Variants in CHD3 observed in about 807,000 individuals in gnomAD.
CHD3 encodes the protein ATP-dependent chromatin remodeler CHD3.
CHD3 carries 52 observed loss-of-function variants against 248.9 expected under a neutral mutation model. The observed-to-expected ratio is 0.21, with a 90% CI of 0.17 to 0.26. The LOEUF is 0.26. CHD3 is among the 10% of genes least tolerant of loss of function. The pLI is 1.00. For missense variants in CHD3, 1,482 were observed against 2,605.8 expected (o/e 0.57, Z 9.39); for synonymous variants, 985 against 985.2 (o/e 1.00, Z 0.00).
Position 7,907,258 on chromosome 17 carries a change from C to A in CHD3, c.4788+11C>A, listed in dbSNP as rs1265511879. 1.2e-6 allele frequency: 2 copies of A among 1,614,014 alleles called. No individual in the cohort carries two copies. The highest frequency in any genetic ancestry group is 2.7e-5 in the African/African-American group (2 of 74,924). On this transcript the variant is annotated intron_variant, in intron 31 of 39. Transcript: ENST00000330494. The surrounding 1 kb of genome is among the most constrained non-coding windows in gnomAD (Gnocchi z 4.3). ...AAGATGGAGACAGAGGTGTGTGGCT[C>A]CCTGGATTCCCCTGTGGAGCGGGAG...
Position 7,911,781 on chromosome 17 carries a change from C to T in CHD3, c.*196C>T. On this transcript the variant is annotated 3_prime_UTR_variant, in exon 40 of 40. Coordinates refer to ENST00000330494, the MANE Select transcript of CHD3 (RefSeq NM_001005273.3). This position sits in a 1 kb window ranked among gnomAD's most constrained non-coding sequence, Gnocchi z 5.4. Reference sequence around the variant, plus strand: ...CTTTCTCCACTCCCACACACCTTTCCCACCAAGCCTTGAAGACTGTGCTGG... The same window carrying T: ...CTTTCTCCACTCCCACACACCTTTCTCACCAAGCCTTGAAGACTGTGCTGG... 1 of 1,486,080 alleles carries T rather than the reference C, an allele frequency of 6.7e-7. No homozygotes were observed. The highest frequency in any genetic ancestry group is 9.0e-7 in the Non-Finnish European group (1 of 1,105,862). 92.1% of individuals were successfully genotyped at this position (1,486,080 alleles called of 1,614,324 possible).
At position 7,900,250 on chromosome 17, in the gene CHD3, A is replaced by G. The variant is rs765425012; in HGVS notation, c.2683-40A>G. Reference sequence around the variant, plus strand: ...GCTGTGGGTCGGTCACTTGTCACTAATAAGCCCATTTTCCTGCCTTGCCTT... The same window carrying G: ...GCTGTGGGTCGGTCACTTGTCACTAGTAAGCCCATTTTCCTGCCTTGCCTT... On this transcript the variant is annotated intron_variant, in intron 16 of 39. Coordinates refer to ENST00000330494, the MANE Select transcript of CHD3 (RefSeq NM_001005273.3). This position sits in a 1 kb window ranked among gnomAD's most constrained non-coding sequence, Gnocchi z 6.5. 3.7e-6 allele frequency: 6 copies of G among 1,613,116 alleles called. No individual in the cohort carries two copies. In the African/African-American group the frequency reaches 8.0e-5, roughly 22 times the overall value.
chr17:7,901,359 T>C lies in CHD3; in HGVS notation c.3236T>C (p.Val1079Ala), dbSNP rs1343913646. ...LRKLKEQGHR[V>A]LIFSQMTKML... ...AAGCTGAAGGAGCAAGGACACCGAG[T>C]GCTCATCTTCTCGCAGGTGACCTGT... is the stretch of plus-strand genomic sequence containing the variant. The change falls in exon 20 of 40, where the codon GTG becomes GCG. Residue 1079 changes from valine (V) to alanine (A), a missense_variant. By Grantham distance (64) the Val-to-Ala change is moderately conservative. Around this residue, in one of 20 missense-constraint regions of CHD3, gnomAD observed 31 missense variants for 53.9 expected, o/e 0.58. Transcript: ENST00000330494. 3 of 1,610,208 alleles carry C rather than the reference T, an allele frequency of 1.9e-6. No homozygotes were observed. The highest frequency in any genetic ancestry group is 1.3e-5 in the African/African-American group (1 of 74,796).
rs771073572 is a variant in CHD3, at chr17:7,907,393, T to G, written c.4829T>G (p.Leu1610Arg). The G allele has an allele frequency of 1.1e-5, 18 of 1,609,690 alleles. No homozygotes were observed. Among genetic ancestry groups the G allele is most frequent in the African/African-American group, 1.3e-5 (1 of 74,852 alleles). The part of the protein sequence containing the change: ...PSPAPSLGER[L>R]EPRKIPLEDE... ...CCAGCCCCATCACTTGGGGAGCGGC[T>G]GGAGCCAAGGAAGATTCCTCTAGAG... The change falls in exon 32 of 40, where the codon CTG (leucine) becomes CGG (arginine). Residue 1610 changes from leucine (L) to arginine (R), a missense_variant. This residue lies in a region of CHD3 where 254 missense variants were observed against 266.7 expected (regional missense o/e 0.95). Coordinates refer to ENST00000330494, the MANE Select transcript of CHD3 (RefSeq NM_001005273.3). The surrounding 1 kb of genome is among the most constrained non-coding windows in gnomAD (Gnocchi z 4.3).
upstream of CHD3, chr17:7,884,847 AG>A: frequency 1.1e-5 from 12 of 1,049,048 alleles, no homozygotes; most frequent in South Asian, 6.7e-5. Context: ...GAGGAGGAGG[AG>A]ATGGTGGTGT....
rs1352897171 is a variant in CHD3 at position 7,889,718 on chromosome 17, G to A, written c.155G>A (p.Arg52Gln). 6 of 1,613,466 alleles carry A rather than the reference G, an allele frequency of 3.7e-6. No individual in the cohort carries two copies. The highest frequency in any genetic ancestry group is 2.2e-5 in the East Asian group (1 of 44,878). ...GCATTGGGTGTGAAGAAGAGAAAAC[G>A]AGGACCCAAGAAGCAGAAGGAGAAC... ...PSALGVKKRK[R>Q]GPKKQKENKP... The change falls in exon 2 of 40, where the codon CGA becomes CAA. Residue 52 changes from arginine (R) to glutamine (Q), a missense_variant. Arg to Gln is a conservative substitution (Grantham distance 43). Coordinates refer to ENST00000330494, the MANE Select transcript of CHD3 (RefSeq NM_001005273.3). This position sits in a 1 kb window ranked among gnomAD's most constrained non-coding sequence, Gnocchi z 4.5.
rs1187017436 is a variant in CHD3 at position 7,909,772 on chromosome 17, T to C, written c.5590+434T>C. On this transcript the variant is annotated intron_variant, in intron 37 of 39. Coordinates refer to ENST00000330494, the MANE Select transcript of CHD3 (RefSeq NM_001005273.3). This position sits in a 1 kb window ranked among gnomAD's most constrained non-coding sequence, Gnocchi z 8.1. ...CCCATAAGGCAGAAACTACCACCCA[T>C]CCAACCCTCTGGCCTTACCCCATGA... The C allele has an allele frequency of 2.5e-5, 5 of 197,090 alleles. No individual in the cohort carries two copies. The highest frequency in any genetic ancestry group is 4.1e-5 in the Non-Finnish European group (4 of 96,390). 12.2% of individuals were successfully genotyped at this position (197,090 alleles called of 1,614,324 possible). A position where few individuals can be genotyped will look rare whatever the true frequency, so the allele number is the denominator to read the frequency against.
chr17:7,900,124 C>T lies in CHD3; in HGVS notation c.2682+91C>T. 1 of 1,529,990 alleles carries T rather than the reference C, an allele frequency of 6.5e-7. No homozygotes were observed. The highest frequency in any genetic ancestry group is 1.3e-5 in the South Asian group (1 of 79,572). The allele number at this position is 1,529,990 out of a possible 1,614,324, so 94.8% of individuals were successfully genotyped here. On this transcript the variant is annotated intron_variant, in intron 16 of 39. Transcript: ENST00000330494. The surrounding 1 kb of genome is among the most constrained non-coding windows in gnomAD (Gnocchi z 6.5). ...AAACAACAAAAATTCTGGGGATTTT[C>T]TGTAGTCTGGGAGGACGTCCAGGTT...
In CHD3 at chr17:7,908,557, G is replaced by GAA; in HGVS notation, c.5261+47_5261+48insAA. 1 of 1,513,550 alleles carries GAA rather than the reference G, an allele frequency of 6.6e-7. No individual in the cohort carries two copies. The highest frequency in any genetic ancestry group is 1.2e-5 in the South Asian group (1 of 84,542). 93.8% of individuals were successfully genotyped at this position (1,513,550 alleles called of 1,614,324 possible). ...AGAAGGAAAAGGTTCTCTCAAGCTG[G>GAA]CAAAAAAAAAAAAGATGATTTCACA... On this transcript the variant is annotated intron_variant, in intron 35 of 39. Transcript: ENST00000330494. This position sits in a 1 kb window ranked among gnomAD's most constrained non-coding sequence, Gnocchi z 5.8.
rs1260639282 is a variant in CHD3 at position 7,890,909 on chromosome 17, C to T, written c.385-31C>T. 1.9e-6 allele frequency: 3 copies of T among 1,613,112 alleles called. No individual in the cohort carries two copies. In the South Asian group the frequency reaches 3.3e-5, roughly 18 times the overall value. ...CGGCCTGGAATAGGGGCTGGAGGAG[C>T]ACCTACTTCACCAAAGCCCCTCTCC... On this transcript the variant is annotated intron_variant, in intron 3 of 39. Transcript: ENST00000330494.
chr17:7,909,581 C>T lies in CHD3; in HGVS notation c.5590+243C>T, dbSNP rs1163754477. On this transcript the variant is annotated intron_variant, in intron 37 of 39. Transcript: ENST00000330494. The surrounding 1 kb of genome is among the most constrained non-coding windows in gnomAD (Gnocchi z 8.1). ...TCCGTGCCCAATAGAGGGACCTGCC[C>T]CAGCCTCTGTGTCCCCTCCACACAG... 1.0e-5 allele frequency: 6 copies of T among 574,442 alleles called. No individual in the cohort carries two copies. The highest frequency in any genetic ancestry group is 9.7e-5 in the African/African-American group (5 of 51,660). The allele number at this position is 574,442 out of a possible 1,614,324, so 35.6% of individuals were successfully genotyped here.
chr17:7,899,309 C>T lies in CHD3; in HGVS notation c.2344-34C>T, dbSNP rs748203257. 1.2e-6 allele frequency: 2 copies of T among 1,611,746 alleles called. No homozygotes were observed. Among genetic ancestry groups the T allele is most frequent in the South Asian group, 1.1e-5 (1 of 91,004 alleles). ...AGGACTAGGGTATACGGCCTCTAGCCTAGACTTATGCTGCCCCCATTCTTG... is the reference window on the plus strand; with the variant it reads ...AGGACTAGGGTATACGGCCTCTAGCTTAGACTTATGCTGCCCCCATTCTTG... On this transcript the variant is annotated intron_variant, in intron 14 of 39. Coordinates refer to ENST00000330494, the MANE Select transcript of CHD3 (RefSeq NM_001005273.3). This position sits in a 1 kb window ranked among gnomAD's most constrained non-coding sequence, Gnocchi z 6.8.
rs1567860112 is a variant in CHD3, at chr17:7,902,719, G to A, written c.3362G>A (p.Arg1121Gln). ...TGALRQEAIDRFNAPGAQQFC... is the reference protein window; with the variant it reads ...TGALRQEAIDQFNAPGAQQFC... ...GCCCTGAGGCAGGAGGCCATCGATC[G>A]GTTTAATGGTGAGGGAGATACACTG... Residue 1121 changes from arginine to glutamine, a missense_variant, in exon 21 of 40, where the codon CGG (arginine) becomes CAG (glutamine). Transcript: ENST00000330494. 1.2e-6 allele frequency: 2 copies of A among 1,613,386 alleles called. No homozygotes were observed. Among genetic ancestry groups the A allele is most frequent in the Non-Finnish European group, 1.7e-6 (2 of 1,179,440 alleles).
rs763088915 is a variant in CHD3 at position 7,900,746 on chromosome 17, G to T, written c.2978+15G>T. ...CCCATGCAGAAGTAAGATGCAAGACGAGCTGCCTGGAGTAGGGCTTGGGGA... is the reference window on the plus strand; with the variant it reads ...CCCATGCAGAAGTAAGATGCAAGACTAGCTGCCTGGAGTAGGGCTTGGGGA... On this transcript the variant is annotated intron_variant, in intron 18 of 39. Transcript: ENST00000330494. The surrounding 1 kb of genome is among the most constrained non-coding windows in gnomAD (Gnocchi z 6.5). The T allele has an allele frequency of 9.9e-6, 16 of 1,610,346 alleles. No individual in the cohort carries two copies. Among genetic ancestry groups the T allele is most frequent in the Non-Finnish European group, 1.4e-5 (16 of 1,176,764 alleles).
In CHD3 at chr17:7,906,765, TC is replaced by T; in HGVS notation, c.4503+71del. 1 of 1,585,610 alleles carries T rather than the reference TC, an allele frequency of 6.3e-7. No homozygotes were observed. The highest frequency in any genetic ancestry group is 8.6e-7 in the Non-Finnish European group (1 of 1,164,630). ...AGTCTCTGTCCTTCCTCTGCCTCTG[TC>T]CCTGAGTTGTAAGCTTGCGCTGGTG... On this transcript the variant is annotated intron_variant, in intron 29 of 39. Coordinates refer to ENST00000330494, the MANE Select transcript of CHD3 (RefSeq NM_001005273.3). This position sits in a 1 kb window ranked among gnomAD's most constrained non-coding sequence, Gnocchi z 5.0.
chr17:7,900,253 A>C lies in CHD3; in HGVS notation c.2683-37A>C, dbSNP rs750897999. ...GTGGGTCGGTCACTTGTCACTAATA[A>C]GCCCATTTTCCTGCCTTGCCTTGCC... On this transcript the variant is annotated intron_variant, in intron 16 of 39. Transcript: ENST00000330494. The surrounding 1 kb of genome is among the most constrained non-coding windows in gnomAD (Gnocchi z 6.5). The C allele has an allele frequency of 6.2e-7, 1 of 1,613,430 alleles. No homozygotes were observed. The highest frequency in any genetic ancestry group is 8.5e-7 in the Non-Finnish European group (1 of 1,179,794).
At position 7,897,024 on chromosome 17, in the gene CHD3, CTTG is replaced by C. The variant is rs1428590059; in HGVS notation, c.1708-54_1708-52del. On this transcript the variant is annotated intron_variant, in intron 10 of 39. Coordinates refer to ENST00000330494, the MANE Select transcript of CHD3 (RefSeq NM_001005273.3). The surrounding 1 kb of genome is among the most constrained non-coding windows in gnomAD (Gnocchi z 4.8). ...CCTCCTGCCGGCCTCTTCCCGGTTC[CTTG>C]TTGTCCTCTGTGAGTGTCAGGACTA... 14 of 1,448,216 alleles carry C rather than the reference CTTG, an allele frequency of 9.7e-6. No individual in the cohort carries two copies. The highest frequency in any genetic ancestry group is 1.7e-5 in the Admixed American group (1 of 58,884). 89.7% of individuals were successfully genotyped at this position (1,448,216 alleles called of 1,614,324 possible). A position where few individuals can be genotyped will look rare whatever the true frequency, so the allele number is the denominator to read the frequency against.
rs766010552 is a variant in CHD3 at position 7,906,163 on chromosome 17, C to T, written c.4358+174C>T. On this transcript the variant is annotated intron_variant, in intron 28 of 39. Transcript: ENST00000330494. The surrounding 1 kb of genome is among the most constrained non-coding windows in gnomAD (Gnocchi z 5.0). The stretch of plus-strand genomic sequence containing the variant: ...GGGGTGGTCTCAGCCCACTCCACCT[C>T]CCCTCAGCCGAGCCTAGAGTAGAGG... 9.8e-7 allele frequency: 1 copy of T among 1,023,146 alleles called. No homozygotes were observed. Among genetic ancestry groups the T allele is most frequent in the Admixed American group, 1.7e-5 (1 of 59,086 alleles). 63.4% of individuals were successfully genotyped at this position (1,023,146 alleles called of 1,614,324 possible).
upstream of CHD3, chr17:7,885,096 C>T (rs1366274117): frequency 4.1e-6 from 4 of 963,966 alleles, no homozygotes; most frequent in Non-Finnish European, 4.9e-6. Flanking sequence ...AAGCGCCCGC[C>T]CCGACTCCCC....
Sources: gnomAD v4.1 joint callset for allele counts on GRCh38, gnomAD v4.1.1 for gene constraint, gnomAD v4.1.1 regional missense constraint, Gnocchi (gnomAD v3.1) non-coding constraint, MANE v1.5 for transcripts, NCBI Gene and HGNC (gene_info 2026-07-23, HGNC 2026-07-21) for gene names.